Variants in L3MBTL3 observed in about 807,000 individuals in gnomAD.
L3MBTL3 encodes lethal(3)malignant brain tumor-like protein 3.
Under a neutral mutation model 102.3 loss-of-function variants are expected in L3MBTL3, and 27 were observed. That is an observed-to-expected ratio of 0.26 (90% CI 0.19 to 0.36). The LOEUF (loss-of-function observed/expected upper bound fraction) is 0.36. Ranked by LOEUF, L3MBTL3 falls within the 10% of genes least tolerant of loss-of-function variation. L3MBTL3 has a pLI of 1.00. For missense variants in L3MBTL3, 798 were observed against 955.3 expected (o/e 0.84, Z 2.17); for synonymous variants, 340 against 320.9 (o/e 1.06, Z -0.64).
At chr6:130,026,493 G>A (rs993599614) in intron 2 of L3MBTL3, among the ~76,000 whole-genome samples, 1 of 152,048 alleles carries the variant, frequency 6.6e-6, no homozygotes, top group African/African-American at 2.4e-5. Flanking sequence ...ATTAAGGTAT[G>A]TGCTCTTTTA....
At chr6:130,108,109 T>C (rs185892851) in intron 19 of L3MBTL3, among the ~76,000 whole-genome samples, 228 of 152,208 alleles carry the variant, frequency 1.5e-3, no homozygotes, top group African/African-American at 5.1e-3. Context: ...ACTCAATAGC[T>C]CTTCACTTTG....
At chr6:130,106,530 A>G (rs1336869361) in intron 19 of L3MBTL3, among the ~76,000 whole-genome samples, 1 of 152,198 alleles carries the variant, frequency 6.6e-6, no homozygotes, top group Non-Finnish European at 1.5e-5. Flanking sequence ...CCTTTCTGCC[A>G]CTTCCCCTTT....
chr6:130,068,387 C>A lies in L3MBTL3; in HGVS notation c.1058C>A (p.Ala353Asp). Residue 353 changes from alanine to aspartate, a missense_variant, in exon 12 of 23, where the codon GCT (alanine) becomes GAT (aspartate). Ala to Asp is a moderately radical substitution (Grantham distance 126, BLOSUM62 -2). Transcript: ENST00000361794. ...QTYLKTCKAQ[A>D]APKSLFENQN... is the part of the protein sequence containing the mutation. Reference sequence around the variant, plus strand: ...TATCTTAAGACATGTAAAGCTCAAGCTGCTCCTAAGTCATTATTTGAAAAT... The same window carrying A: ...TATCTTAAGACATGTAAAGCTCAAGATGCTCCTAAGTCATTATTTGAAAAT... 1 of 1,604,650 alleles carries A rather than the reference C, an allele frequency of 6.2e-7. No individual in the cohort carries two copies. The highest frequency in any genetic ancestry group is 8.5e-7 in the Non-Finnish European group (1 of 1,171,698).
intron 19 of L3MBTL3, among the ~76,000 whole-genome samples, chr6:130,105,376 A>G (rs895293761): frequency 6.6e-6 from 1 of 152,202 alleles, no homozygotes; most frequent in Non-Finnish European, 1.5e-5. Flanking sequence ...ATAGAGAAGC[A>G]GTTTACCCTT....
intron 14 of L3MBTL3, among the ~76,000 whole-genome samples, chr6:130,079,617 A>G (rs1342075128): frequency 6.6e-6 from 1 of 152,168 alleles, no homozygotes; most frequent in Non-Finnish European, 1.5e-5. Flanking sequence ...GGAGTAATGA[A>G]GATTGCCTTT....
rs139965025 is a variant in L3MBTL3 at position 130,056,852 on chromosome 6, C to A, written c.668-554C>A. 2.2e-3 allele frequency among the ~76,000 whole-genome samples: 340 copies of A among 152,282 alleles called. 1 individual carries two copies. The highest frequency in any genetic ancestry group is 7.7e-3 in the African/African-American group (320 of 41,562). ...CCAAAGTACCTTTCTCTCAGCTTTGCTACCCATCAGGCTATTACATTTTTC... is the reference window on the plus strand; with the variant it reads ...CCAAAGTACCTTTCTCTCAGCTTTGATACCCATCAGGCTATTACATTTTTC... On this transcript the variant is annotated intron_variant, in intron 8 of 22. Transcript: ENST00000361794.
intron 16 of L3MBTL3, among the ~76,000 whole-genome samples, chr6:130,091,553 G>C (rs950468050): frequency 3.3e-5 from 5 of 152,046 alleles, no homozygotes; most frequent in South Asian, 2.1e-4. Flanking sequence ...AGCAGTGACT[G>C]CTTTATAATA....
chr6:130,108,424 C>T (rs1484662364), intron 19 of L3MBTL3, among the ~76,000 whole-genome samples: 1 of 151,338 alleles, frequency 6.6e-6, no homozygotes, highest in Non-Finnish European at 1.5e-5. Context: ...TTAGTGGAGA[C>T]GGAGTTTTAC....
At chr6:130,134,444 T>C (rs976861248) in intron 22 of L3MBTL3, among the ~76,000 whole-genome samples, 2 of 152,214 alleles carry the variant, frequency 1.3e-5, no homozygotes, top group African/African-American at 2.4e-5. Flanking sequence ...ATTTTATTAG[T>C]TGTTTTCAAC....
intron 13 of L3MBTL3, among the ~76,000 whole-genome samples, chr6:130,077,613 C>T (rs1207400491): frequency 1.3e-5 from 2 of 152,222 alleles, no homozygotes; most frequent in African/African-American, 2.4e-5. Context: ...GCTTCGTTGA[C>T]TGTGTGCTAA....
In L3MBTL3 at chr6:130,058,388, A is replaced by G. The variant is rs1781665650; in HGVS notation, c.759+891A>G. On this transcript the variant is annotated intron_variant, in intron 9 of 22. Transcript: ENST00000361794. ...GTGGCACATGCCTGCCTGCAGTCTC[A>G]TCACTTTGGGAAGTTGAGGCAGTAG... 1.3e-5 allele frequency among the ~76,000 whole-genome samples: 2 copies of G among 152,008 alleles called. 1 individual carries two copies. Among genetic ancestry groups the G allele is most frequent in the South Asian group, 4.2e-4 (2 of 4,818 alleles).
At chr6:130,139,553 T>C in intron 22 of L3MBTL3, 57 bp from the exon 23 acceptor site, 2 of 1,523,002 alleles carry the variant, frequency 1.3e-6, no homozygotes, top group Non-Finnish European at 1.8e-6. Context: ...CTTGAATATT[T>C]TCTACAACAC....
chr6:130,108,341 T>TC (rs2115388873), intron 19 of L3MBTL3, among the ~76,000 whole-genome samples: 1 of 149,328 alleles, frequency 6.7e-6, no homozygotes, highest in East Asian at 2.0e-4. Flanking sequence ...TTCAAGGGAT[T>TC]CGCCTGCCTC....
chr6:130,135,093 A>T (rs62433672), intron 22 of L3MBTL3, among the ~76,000 whole-genome samples: 17,228 of 139,786 alleles, frequency 0.12, 1,834 homozygotes, highest in African/African-American at 0.28. Flanking sequence ...TTTTTTTTAA[A>T]TCGAGATGGA....
rs955738487 is a variant in L3MBTL3, at chr6:130,058,644, A to G, written c.759+1147A>G. 8.5e-5 allele frequency among the ~76,000 whole-genome samples: 13 copies of G among 152,212 alleles called. 1 individual carries two copies. The highest frequency in any genetic ancestry group is 4.1e-4 in the South Asian group (2 of 4,834). On this transcript the variant is annotated intron_variant, in intron 9 of 22. Transcript: ENST00000361794. ...TGGTAAACTTTTTTGGTAAAGGGCC[A>G]GATAGTAAATATGTTAGGCATTTCA...
intron 12 of L3MBTL3, among the ~76,000 whole-genome samples, chr6:130,069,606 A>AT (rs1782494428): frequency 1.3e-5 from 2 of 152,326 alleles, no homozygotes; most frequent in South Asian, 4.1e-4. Flanking sequence ...GTCAGTTGGT[A>AT]TTCTCTGTCA....
chr6:130,086,719 A>G (rs1783712990), intron 16 of L3MBTL3, among the ~76,000 whole-genome samples: 1 of 152,218 alleles, frequency 6.6e-6, no homozygotes, highest in Non-Finnish European at 1.5e-5. Context: ...TGCCTCTTAA[A>G]AAGTAAGCAA....
chr6:130,128,917 C>G (rs1026577398), intron 20 of L3MBTL3, among the ~76,000 whole-genome samples: 6 of 152,202 alleles, frequency 3.9e-5, no homozygotes, highest in Non-Finnish European at 8.8e-5. Context: ...AGAGCATCTG[C>G]TGACCCTGTT....
chr6:130,033,978 A>G (rs1311759390), intron 2 of L3MBTL3, among the ~76,000 whole-genome samples: 1 of 152,234 alleles, frequency 6.6e-6, no homozygotes, highest in East Asian at 1.9e-4. Context: ...CTTTTGGGTT[A>G]TAGCAGGGCC....
Sources: allele counts gnomAD v4.1 joint callset (sites outside exome capture counted in the v4.1 genomes callset), GRCh38; gene constraint gnomAD v4.1.1; transcripts MANE v1.5; gene names NCBI Gene and HGNC (gene_info 2026-07-23, HGNC 2026-07-21).